The following DARS1 variants were observed in gnomAD, a reference collection of about 807,000 sequenced individuals.
DARS1 encodes aspartyl-tRNA synthetase 1.
DARS1 carries 51 observed loss-of-function variants against 68.8 expected under a neutral mutation model. The ratio of observed to expected loss-of-function variants is 0.74; its 90% confidence interval spans 0.59 to 0.94. The LOEUF (loss-of-function observed/expected upper bound fraction) is 0.94, where lower values mean the gene tolerates loss of function less well. Ranked by LOEUF, DARS1 falls within the 40% of genes least tolerant of loss-of-function variation. The pLI is 0.00. For synonymous variants in DARS1, 203 were observed against 190.4 expected (o/e 1.07, Z -0.55); for missense variants, 607 against 597.3 (o/e 1.02, Z -0.17).
intron 4 of DARS1, among the ~76,000 whole-genome samples, chr2:135,948,343 ACAAT>A (rs1681771589): frequency 6.6e-6 from 1 of 152,164 alleles, no homozygotes; most frequent in Non-Finnish European, 1.5e-5. Flanking sequence ...TCAACTACAG[ACAAT>A]ATACACTCCT....
intron 7 of DARS1, among the ~76,000 whole-genome samples, chr2:135,926,181 A>G (rs1482104260): frequency 6.6e-6 from 1 of 152,204 alleles, no homozygotes; most frequent in Non-Finnish European, 1.5e-5. Flanking sequence ...GTGAGCCACG[A>G]CGCCTGGCCT....
intron 5 of DARS1, among the ~76,000 whole-genome samples, chr2:135,938,446 A>T (rs1263910227): frequency 6.6e-6 from 1 of 152,118 alleles, no homozygotes; most frequent in African/African-American, 2.4e-5. Context: ...ATCCTCCTTT[A>T]GCTCAGAGAA....
At chr2:135,985,314 C>A in intron 1 of DARS1, 89 bp downstream of exon 1, 1 of 1,518,020 alleles carries the variant, frequency 6.6e-7, no homozygotes, top group East Asian at 2.3e-5. Context: ...CGACAAGGAC[C>A]TGTAGGGCCC....
intron 4 of DARS1, among the ~76,000 whole-genome samples, chr2:135,959,071 A>G (rs1682040413): frequency 6.6e-6 from 1 of 152,026 alleles, no homozygotes; most frequent in Non-Finnish European, 1.5e-5. Context: ...AGGCTAAATT[A>G]CCTATATTCT....
At chr2:135,918,079 C>T (rs1202637902) in intron 10 of DARS1, among the ~76,000 whole-genome samples, 2 of 152,068 alleles carry the variant, frequency 1.3e-5, no homozygotes, top group Non-Finnish European at 2.9e-5. Flanking sequence ...GCCACCATGC[C>T]TGGCTAATTT....
intron 3 of DARS1, among the ~76,000 whole-genome samples, chr2:135,967,620 C>T (rs532774891): frequency 1.3e-5 from 2 of 152,246 alleles, no homozygotes; most frequent in African/African-American, 2.4e-5. Context: ...GTCTGAAACA[C>T]TGCCCTTAAG....
rs899317788 is a variant in DARS1 at position 135,936,949 on chromosome 2, G to A, written c.424-2959C>T. On this transcript the variant is annotated intron_variant, in intron 5 of 15. Coordinates refer to ENST00000264161, the MANE Select transcript of DARS1 (RefSeq NM_001349.4). ...TGCACACGGATCAGGGCGGGAAGAGGCCATGCTGTCTTAAAGACTACTCCT... is the reference window on the plus strand; with the variant it reads ...TGCACACGGATCAGGGCGGGAAGAGACCATGCTGTCTTAAAGACTACTCCT... Among the ~76,000 whole-genome samples, 18 of 152,154 alleles carry A rather than the reference G, an allele frequency of 1.2e-4. 1 individual carries two copies.
At chr2:135,985,359 C>G in intron 1 of DARS1, 44 bp downstream of exon 1, 1 of 1,605,696 alleles carries the variant, frequency 6.2e-7, no homozygotes, top group Non-Finnish European at 8.5e-7. Flanking sequence ...CGCAGCCCGG[C>G]CCAGGGGTCT....
intron 3 of DARS1, among the ~76,000 whole-genome samples, chr2:135,970,172 T>G (rs1345219477): frequency 1.3e-5 from 2 of 148,920 alleles, no homozygotes; most frequent in East Asian, 3.9e-4. Context: ...AGGCCAAGAG[T>G]TGGAGGCTGC....
At chr2:135,963,017 C>T (rs537467760) in intron 3 of DARS1, among the ~76,000 whole-genome samples, 1 of 152,248 alleles carries the variant, frequency 6.6e-6, no homozygotes, top group African/African-American at 2.4e-5. Context: ...AGCTGCCTCA[C>T]AAAGCTGTCC....
chr2:135,937,653 G>A (rs1263365365), intron 5 of DARS1, among the ~76,000 whole-genome samples: 1 of 152,098 alleles, frequency 6.6e-6, no homozygotes, highest in African/African-American at 2.4e-5. Flanking sequence ...CATGTTTAGT[G>A]CCTCCTTCAG....
At chr2:135,954,292 C>T (rs1163440825) in intron 4 of DARS1, among the ~76,000 whole-genome samples, 1 of 131,870 alleles carries the variant, frequency 7.6e-6, no homozygotes. Flanking sequence ...ATTTCCTCAC[C>T]TGAAAACAAA....
chr2:135,964,840 C>CAAAAAAAAAA (rs372676148), intron 3 of DARS1, among the ~76,000 whole-genome samples: 3 of 49,630 alleles, frequency 6.0e-5, no homozygotes, highest in Non-Finnish European at 1.2e-4. Flanking sequence ...GACTCCACCT[C>CAAAAAAAAAA]AAAAAAAAAA....
chr2:135,985,418 G>T lies in DARS1; in HGVS notation c.51C>A (p.Ile17=). Residue 17 remains isoleucine, a synonymous_variant, in exon 1 of 16, where the codon ATC becomes ATA. Coordinates refer to ENST00000264161, the MANE Select transcript of DARS1 (RefSeq NM_001349.4). ...SRKSQEKPRE[I]MDAAEDYAKE... ...GGAAACCCACTTCCGCCGCGTCCAT[G>T]ATCTCCCGCGGCTTCTCCTGACTCT... The T allele has an allele frequency of 6.2e-7, 1 of 1,613,908 alleles. No homozygotes were observed. The highest frequency in any genetic ancestry group is 8.5e-7 in the Non-Finnish European group (1 of 1,179,946).
rs1176167665 is a variant in DARS1 at position 135,961,469 on chromosome 2, G to C, written c.247C>G (p.Gln83Glu). Reference protein sequence around the residue: ...GKQCFLVLRQQQFNVQALVAV... With the variant: ...GKQCFLVLRQEQFNVQALVAV... ...ACAAGAGCCTGGACATTAAACTGCT[G>C]CTGACGTAGGACTAAGAAGCACTGT... Residue 83 changes from glutamine to glutamate, a missense_variant, in exon 4 of 16, where the codon CAG becomes GAG. By Grantham distance (29) the Gln-to-Glu change is conservative. Coordinates refer to ENST00000264161, the MANE Select transcript of DARS1 (RefSeq NM_001349.4). 1 of 1,524,048 alleles carries C rather than the reference G, an allele frequency of 6.6e-7. No individual in the cohort carries two copies. The highest frequency in any genetic ancestry group is 1.7e-5 in the Admixed American group (1 of 59,886). 94.4% of individuals were successfully genotyped at this position (1,524,048 alleles called of 1,614,324 possible).
intron 3 of DARS1, among the ~76,000 whole-genome samples, chr2:135,961,733 T>C (rs914135113): frequency 7.9e-5 from 12 of 152,240 alleles, no homozygotes; most frequent in African/African-American, 2.9e-4. Context: ...TTCAACTTGT[T>C]ATAAGAACAC....
At chr2:135,972,116 T>C (rs1464810474) in intron 3 of DARS1, among the ~76,000 whole-genome samples, 2 of 152,152 alleles carry the variant, frequency 1.3e-5, no homozygotes, top group African/African-American at 4.8e-5. Flanking sequence ...AGACCTAGAA[T>C]AGCCAAAGCT....
In DARS1 at chr2:135,912,578, A is replaced by T; in HGVS notation, c.1150-12T>A. The T allele has an allele frequency of 1.3e-6, 1 of 789,164 alleles. No homozygotes were observed. 48.9% of individuals were successfully genotyped at this position (789,164 alleles called of 1,614,324 possible). Reference sequence around the variant, plus strand: ...AAATCTGTATCATACTATAAAAAGAATAAATGCAATTAAAATACATTTTTA... The same window carrying T: ...AAATCTGTATCATACTATAAAAAGATTAAATGCAATTAAAATACATTTTTA... On this transcript the variant is annotated splice_polypyrimidine_tract_variant and intron_variant, in intron 12 of 15. Transcript: ENST00000264161.
intron 4 of DARS1, among the ~76,000 whole-genome samples, chr2:135,959,316 C>T (rs1340736839): frequency 7.3e-6 from 1 of 137,676 alleles, no homozygotes; most frequent in Non-Finnish European, 1.5e-5. Flanking sequence ...ATTGCTTGAA[C>T]CGGGTAGGAG....
Sources: gnomAD v4.1 joint callset for allele counts (sites outside exome capture counted in the v4.1 genomes callset) on GRCh38, gnomAD v4.1.1 for gene constraint, MANE v1.5 for transcripts, NCBI Gene and HGNC (gene_info 2026-07-23, HGNC 2026-07-21) for gene names.